Variants in UBE2D2 observed in about 807,000 individuals in gnomAD.
UBE2D2 encodes ubiquitin-conjugating enzyme E2 D2.
UBE2D2 carries 2 observed loss-of-function variants against 24.2 expected under a neutral mutation model. The ratio of observed to expected loss-of-function variants is 0.08; its 90% CI spans 0.03 to 0.26. UBE2D2 has a LOEUF of 0.26. Ranked by LOEUF, UBE2D2 falls within the 10% of genes least tolerant of loss-of-function variation. UBE2D2 has a pLI of 1.00. For missense variants in UBE2D2, 44 were observed against 177.6 expected, an observed-to-expected ratio of 0.25 and a Z score of 4.28; for synonymous variants, 58 against 56.5, an observed-to-expected ratio of 1.03 and a Z score of -0.12.
At chr5:139,602,646 C>G (rs1754105893) in intron 2 of UBE2D2, among the ~76,000 whole-genome samples, 1 of 152,094 alleles carries the variant, frequency 6.6e-6, no homozygotes, top group Admixed American at 6.6e-5. Context: ...CAACTGCACT[C>G]CAGCCTGGGC....
chr5:139,575,006 C>T (rs972504840), intron 1 of UBE2D2, among the ~76,000 whole-genome samples: 4 of 152,158 alleles, frequency 2.6e-5, no homozygotes, highest in African/African-American at 7.2e-5. Flanking sequence ...CCATCATTAG[C>T]TGAATATGTA....
At chr5:139,600,090 G>A (rs1006674330) in intron 1 of UBE2D2, among the ~76,000 whole-genome samples, 2 of 152,046 alleles carry the variant, frequency 1.3e-5, no homozygotes, top group Non-Finnish European at 1.5e-5. Context: ...GAGCCATCAC[G>A]CCCGGCCCAT....
chr5:139,621,018 G>T (rs1334783140), intron 5 of UBE2D2, among the ~76,000 whole-genome samples: 1 of 152,232 alleles, frequency 6.6e-6, no homozygotes, highest in Non-Finnish European at 1.5e-5. Flanking sequence ...GCCGAGGCAG[G>T]TGGATCACTT....
intron 1 of UBE2D2, among the ~76,000 whole-genome samples, chr5:139,552,584 C>T (rs1267414087): frequency 2.0e-5 from 3 of 149,434 alleles, no homozygotes; most frequent in Non-Finnish European, 3.0e-5. Flanking sequence ...TCTCGGCTCA[C>T]GGCAACCTCC....
chr5:139,550,081 A>C (rs1179415690), intron 1 of UBE2D2, among the ~76,000 whole-genome samples: 1 of 152,106 alleles, frequency 6.6e-6, no homozygotes, highest in Admixed American at 6.6e-5. Flanking sequence ...CTCTGTGTCT[A>C]ATCTAGTGGG....
At chr5:139,548,847 TTTTTTTTTTC>T (rs1225331155) in intron 1 of UBE2D2, among the ~76,000 whole-genome samples, 1 of 147,436 alleles carries the variant, frequency 6.8e-6, no homozygotes, top group Non-Finnish European at 1.5e-5. Context: ...GCCCTGGTTC[TTTTTTTTTTC>T]TTTTTTTTTT....
At position 139,614,593 on chromosome 5, in the gene UBE2D2, T is replaced by C. The variant is rs1754385810; in HGVS notation, c.96T>C (p.His32=). 1.2e-6 allele frequency: 2 copies of C among 1,612,998 alleles called. No homozygotes were observed. The highest frequency in any genetic ancestry group is 2.2e-5 in the South Asian group (2 of 91,050). ...TTTCTTGTTATTTTTCAGTGTTCCATTGGCAAGCTACAATAATGGGGCCAG... is the reference window on the plus strand; with the variant it reads ...TTTCTTGTTATTTTTCAGTGTTCCACTGGCAAGCTACAATAATGGGGCCAG... The part of the protein sequence containing the change: ...SAGPVGDDMF[H]WQATIMGPND... The change falls in exon 3 of 7, where the codon CAT becomes CAC. Residue 32 remains histidine (H), a synonymous_variant. Transcript: ENST00000398733.
chr5:139,608,010 C>G (rs1422525126), intron 2 of UBE2D2, among the ~76,000 whole-genome samples: 1 of 146,434 alleles, frequency 6.8e-6, no homozygotes, highest in Non-Finnish European at 1.5e-5. Context: ...GAGACTCTGT[C>G]TCTTGGGAAA....
At chr5:139,578,558 T>G (rs950860943) in intron 1 of UBE2D2, among the ~76,000 whole-genome samples, 1 of 151,954 alleles carries the variant, frequency 6.6e-6, no homozygotes, top group African/African-American at 2.4e-5. Context: ...GCTTAAGTGA[T>G]CCTCCCACCT....
intron 1 of UBE2D2, among the ~76,000 whole-genome samples, chr5:139,549,185 G>A (rs536249679): frequency 2.0e-5 from 3 of 152,270 alleles, no homozygotes; most frequent in South Asian, 2.1e-4. Context: ...AGGTGACAAC[G>A]TGCTAGCAGC....
At chr5:139,575,816 G>A (rs980333851) in intron 1 of UBE2D2, among the ~76,000 whole-genome samples, 5 of 152,192 alleles carry the variant, frequency 3.3e-5, no homozygotes, top group African/African-American at 1.2e-4. Flanking sequence ...ACTTGGCTGG[G>A]AGACCAGCCT....
At chr5:139,562,046 G>A in intron 1 of UBE2D2, 3 of 796,300 alleles carry the variant, frequency 3.8e-6, no homozygotes, top group Non-Finnish European at 5.6e-6. Flanking sequence ...CTCCCCGGCT[G>A]CCCTTCCAGG....
chr5:139,622,607 AG>A (rs1754532440), intron 5 of UBE2D2, among the ~76,000 whole-genome samples: 1 of 147,014 alleles, frequency 6.8e-6, no homozygotes, highest in Non-Finnish European at 1.5e-5. Context: ...CCTTGTTGGT[AG>A]GCTGGGTGCA....
intron 1 of UBE2D2, among the ~76,000 whole-genome samples, chr5:139,546,146 C>A (rs1011926599): frequency 2.0e-5 from 3 of 151,838 alleles, no homozygotes; most frequent in African/African-American, 7.3e-5. Flanking sequence ...TGGCTTCAAG[C>A]GATTCTCCTG....
At chr5:139,614,805 G>T in intron 4 of UBE2D2, 31 bp downstream of exon 4, 1 of 1,612,278 alleles carries the variant, frequency 6.2e-7, no homozygotes, top group Non-Finnish European at 8.5e-7. Flanking sequence ...AGTTTTTAAT[G>T]TACTTTCTAT....
At chr5:139,610,490 A>C (rs951784955) in intron 2 of UBE2D2, among the ~76,000 whole-genome samples, 4 of 151,926 alleles carry the variant, frequency 2.6e-5, no homozygotes, top group Non-Finnish European at 5.9e-5. Context: ...CAGTGAGCTG[A>C]GATCATGCCA....
Position 139,534,061 on chromosome 5 carries a change from G to A in UBE2D2, c.-64+7449G>A, listed in dbSNP as rs1483388645. Among the ~76,000 whole-genome samples the A allele has an allele frequency of 3.3e-5, 5 of 151,738 alleles. No individual in the cohort carries two copies. In the East Asian group the frequency reaches 5.9e-4, roughly 18 times the overall value. On this transcript the variant is annotated intron_variant, in intron 1 of 6. Transcript: ENST00000511725. ...CTCTCAAAGTGCTGGGATTACAGGCGTGAGCCACCGCGCCTGGCAAAAAAA... is the reference window on the plus strand; with the variant it reads ...CTCTCAAAGTGCTGGGATTACAGGCATGAGCCACCGCGCCTGGCAAAAAAA...
chr5:139,576,166 G>C (rs1180337224), intron 1 of UBE2D2, among the ~76,000 whole-genome samples: 1 of 152,160 alleles, frequency 6.6e-6, no homozygotes, highest in Non-Finnish European at 1.5e-5. Flanking sequence ...ATCTGTATTA[G>C]TTTCCTAGGG....
At chr5:139,584,463 A>G (rs1030743582) in intron 1 of UBE2D2, among the ~76,000 whole-genome samples, 2 of 151,558 alleles carry the variant, frequency 1.3e-5, no homozygotes, top group Non-Finnish European at 2.9e-5. Context: ...AAAGTACTCA[A>G]AGAAACTCCT....
Sources: allele counts gnomAD v4.1 joint callset (sites outside exome capture counted in the v4.1 genomes callset), GRCh38; gene constraint gnomAD v4.1.1; transcripts MANE v1.5; gene names NCBI Gene and HGNC (gene_info 2026-07-23, HGNC 2026-07-21).